The following DMXL2 variants were observed in gnomAD, a reference collection of about 807,000 sequenced individuals.
DMXL2 encodes the protein Dmx like 2, also known as dmX-like protein 2.
In DMXL2, 103 loss-of-function variants were observed where a neutral mutation model predicts 331.1. The observed-to-expected ratio is 0.31, with a 90% CI of 0.27 to 0.37. DMXL2 has a LOEUF of 0.37. Among genes scored for constraint, DMXL2 ranks in the 10% least tolerant of loss-of-function variants. The pLI is 1.00. For synonymous variants in DMXL2, 1,281 were observed against 1,252.1 expected, an observed-to-expected ratio of 1.02 and a Z score of -0.49; for missense variants, 3,171 against 3,642.9, an observed-to-expected ratio of 0.87 and a Z score of 3.33.
chr15:51,474,406 G>T lies in DMXL2; in HGVS notation c.7151C>A (p.Ala2384Asp). The change falls in exon 28 of 44, where the codon GCT becomes GAT. Residue 2384 changes from alanine to aspartate, a missense_variant. Coordinates refer to ENST00000560891, the MANE Select transcript of DMXL2 (RefSeq NM_001378457.1). ...AAGTTTTACACCGCCTCCAAAAACA[G>T]CAGCCCACATTCGATTATTTAATGG... Reference protein sequence around the residue: ...AHPLNNRMWAAVFGGGVKLVV... With the variant: ...AHPLNNRMWADVFGGGVKLVV... The T allele has an allele frequency of 6.2e-7, 1 of 1,613,966 alleles. No homozygotes were observed. Among genetic ancestry groups the T allele is most frequent in the Middle Eastern group, 1.7e-4 (1 of 6,046 alleles).
At chr15:51,477,193 C>G (rs2041654167) in intron 26 of DMXL2, among the ~76,000 whole-genome samples, 1 of 151,856 alleles carries the variant, frequency 6.6e-6, no homozygotes. Flanking sequence ...AATACCTAAA[C>G]CTAAAACCAA....
intron 33 of DMXL2, among the ~76,000 whole-genome samples, chr15:51,461,480 GAACAA>G (rs1231121406): frequency 2.0e-5 from 3 of 152,138 alleles, no homozygotes; most frequent in African/African-American, 4.8e-5. Context: ...ATAATTTGAA[GAACAA>G]AACACTCAGA....
chr15:51,564,142 C>A lies in DMXL2; in HGVS notation c.483G>T (p.Lys161Asn), dbSNP rs371187023. The A allele has an allele frequency of 3.1e-6, 5 of 1,602,268 alleles. No homozygotes were observed. The African/African-American group carries it at 4.0e-5, about 13-fold the overall frequency. Reference protein sequence around the residue: ...NTVPPVLNDWKCVWQCKTSVS... With the variant: ...NTVPPVLNDWNCVWQCKTSVS... ...ACACTAACTTGCACTGCCAGACACA[C>A]TTCCAATCATTTAAAACAGGAGGAA... The change falls in exon 5 of 44, where the codon AAG becomes AAT. Residue 161 changes from lysine to asparagine, a missense_variant. Transcript: ENST00000560891.
At chr15:51,606,558 G>C (rs1287001441) in intron 1 of DMXL2, among the ~76,000 whole-genome samples, 1 of 152,098 alleles carries the variant, frequency 6.6e-6, no homozygotes, top group African/African-American at 2.4e-5. Flanking sequence ...CAAGCCTTGC[G>C]CTTGAATTAA....
In DMXL2 at chr15:51,568,541, AC is replaced by A; in HGVS notation, c.230del (p.Gly77ValfsTer12). 6.3e-7 allele frequency: 1 copy of A among 1,578,524 alleles called. No individual in the cohort carries two copies. Among genetic ancestry groups the A allele is most frequent in the Non-Finnish European group, 8.6e-7 (1 of 1,169,548 alleles). On this transcript the variant is annotated frameshift_variant, in exon 3 of 44. Transcript: ENST00000560891. LOFTEE classifies it high-confidence loss of function. ...NQQGRIAASYGNAVCIFEPLG... is the reference protein window; with the variant it reads ...NQQGRIAASYXNAVCIFEPLG... ...AGGGCTCAAATATACAAACAGCATT[AC>A]CATATGAAGCTGCAATCTAAAAAAG...
In DMXL2 at chr15:51,564,244, T is replaced by A; in HGVS notation, c.381A>T (p.Thr127=). The A allele has an allele frequency of 6.3e-7, 1 of 1,586,698 alleles. No homozygotes were observed. Among genetic ancestry groups the A allele is most frequent in the African/African-American group, 1.4e-5 (1 of 73,324 alleles). The change falls in exon 5 of 44, where the codon ACA becomes ACT. Residue 127 remains threonine, a synonymous_variant. Transcript: ENST00000560891. ...AWDPQDNRLL[T]ATDSIQLWAP... Reference sequence around the variant, plus strand: ...CCCACAACTGAATAGAATCAGTTGCTGTCAACAATCTATTATCTGAAAATT... The same window carrying A: ...CCCACAACTGAATAGAATCAGTTGCAGTCAACAATCTATTATCTGAAAATT...
intron 15 of DMXL2, among the ~76,000 whole-genome samples, chr15:51,511,825 T>C (rs2046772176): frequency 3.3e-5 from 5 of 152,000 alleles, no homozygotes; most frequent in Admixed American, 3.3e-4. Flanking sequence ...ATAAAGAAAA[T>C]GTAGCACATA....
intron 6 of DMXL2, among the ~76,000 whole-genome samples, chr15:51,560,509 A>G (rs1203445232): frequency 6.8e-6 from 1 of 146,254 alleles, no homozygotes. Flanking sequence ...TCTACCAAAA[A>G]AAAAAAAAAA....
At chr15:51,527,443 T>A (rs1745696783) in intron 13 of DMXL2, among the ~76,000 whole-genome samples, 1 of 150,390 alleles carries the variant, frequency 6.6e-6, no homozygotes, top group South Asian at 2.1e-4. Flanking sequence ...TAAGAAGTCA[T>A]CTGGGCCAGG....
In DMXL2 at chr15:51,450,300, G is replaced by A. The variant is rs1431280491; in HGVS notation, c.8796C>T (p.Pro2932=). 1 of 1,613,884 alleles carries A rather than the reference G, an allele frequency of 6.2e-7. No individual in the cohort carries two copies. The highest frequency in any genetic ancestry group is 8.5e-7 in the Non-Finnish European group (1 of 1,180,000). Residue 2932 remains proline, a synonymous_variant, in exon 43 of 44, where the codon CCC becomes CCT. Coordinates refer to ENST00000560891, the MANE Select transcript of DMXL2 (RefSeq NM_001378457.1). ...CCCCCGAGATTAGGAGTTGCTGTTT[G>A]GGTGCATACTGCAGTACCGTGGCAC... ...DHGATVLQYA[P]KQQLLISGGR...
chr15:51,546,054 C>T (rs1378205019), intron 7 of DMXL2, among the ~76,000 whole-genome samples: 1 of 151,972 alleles, frequency 6.6e-6, no homozygotes, highest in African/African-American at 2.4e-5. Context: ...AAAAGAAAAC[C>T]TAATCATTGC....
chr15:51,451,829 G>A, intron 41 of DMXL2, 132 bp from the exon 42 acceptor site: 1 of 690,622 alleles, frequency 1.4e-6, no homozygotes, highest in Non-Finnish European at 2.5e-6. Flanking sequence ...CACCTATAGA[G>A]AGTAGTGATT....
chr15:51,457,579 A>T, intron 36 of DMXL2, 113 bp from the exon 37 acceptor site: 1 of 1,292,030 alleles, frequency 7.7e-7, no homozygotes, highest in Non-Finnish European at 1.1e-6. Flanking sequence ...AAAACTAAGT[A>T]GCCATGAGAA....
intron 1 of DMXL2, among the ~76,000 whole-genome samples, chr15:51,592,641 G>T (rs1229185548): frequency 2.6e-5 from 4 of 152,130 alleles, no homozygotes; most frequent in Non-Finnish European, 4.4e-5. Flanking sequence ...TGAAATGAAG[G>T]AAAAAATGTT....
intron 1 of DMXL2, among the ~76,000 whole-genome samples, chr15:51,591,277 G>A (rs915431904): frequency 6.6e-6 from 1 of 152,212 alleles, no homozygotes; most frequent in South Asian, 2.1e-4. Context: ...AGCACACCAG[G>A]AGATTATATC....
chr15:51,582,549 G>C (rs182404055), intron 1 of DMXL2, among the ~76,000 whole-genome samples: 1 of 152,126 alleles, frequency 6.6e-6, no homozygotes, highest in East Asian at 1.9e-4. Flanking sequence ...TTACAACCAA[G>C]AGGACAAAAC....
In DMXL2 at chr15:51,488,669, AT is replaced by A. The variant is rs769720881; in HGVS notation, c.4954-25del. On this transcript the variant is annotated intron_variant, in intron 20 of 43. Transcript: ENST00000560891. ...ACCTAAATGATAAATAAAATATTAA[AT>A]TCACAATTTGACATAAGAATTACAA... 2.6e-6 allele frequency: 4 copies of A among 1,560,410 alleles called. 1 individual carries two copies. The South Asian group carries it at 4.6e-5, about 18-fold the overall frequency.
At chr15:51,480,238 T>C (rs1435827739) in intron 24 of DMXL2, 99 bp from the exon 25 acceptor site, 12 of 1,218,058 alleles carry the variant, frequency 9.9e-6, no homozygotes, top group Non-Finnish European at 1.2e-5. Context: ...AAAGGGAATA[T>C]GTTCGCTCAC....
chr15:51,494,645 CTTACA>C (rs965430442), intron 19 of DMXL2, among the ~76,000 whole-genome samples: 55 of 152,210 alleles, frequency 3.6e-4, no homozygotes, highest in African/African-American at 1.3e-3. Context: ...GAACATAATG[CTTACA>C]TTAAAGTAAA....
Sources: gnomAD v4.1 joint callset for allele counts (sites outside exome capture counted in the v4.1 genomes callset) on GRCh38, gnomAD v4.1.1 for gene constraint, MANE v1.5 for transcripts, NCBI Gene and HGNC (gene_info 2026-07-23, HGNC 2026-07-21) for gene names.